The following GRWD1 variants were observed in gnomAD, a reference collection of about 807,000 sequenced individuals.
GRWD1 encodes the protein glutamate rich WD repeat containing 1, also known as glutamate-rich WD repeat-containing protein 1.
GRWD1 carries 29 observed loss-of-function variants against 45.3 expected under a neutral mutation model. The ratio of observed to expected loss-of-function variants is 0.64; its 90% CI spans 0.48 to 0.87. The LOEUF is 0.87. Ranked by LOEUF, GRWD1 falls within the 40% of genes least tolerant of loss-of-function variation. The pLI is 0.00. For synonymous variants in GRWD1, 262 were observed against 257.6 expected (o/e 1.02, Z -0.16); for missense variants, 592 against 618.8 (o/e 0.96, Z 0.46).
chr19:48,448,267 C>T (rs929434168), intron 3 of GRWD1, among the ~76,000 whole-genome samples: 2 of 152,078 alleles, frequency 1.3e-5, no homozygotes, highest in East Asian at 3.8e-4. Context: ...TTGTTTTTTG[C>T]TTCAAAGCTA....
chr19:48,449,751 G>T (rs187540472), intron 3 of GRWD1, among the ~76,000 whole-genome samples: 16 of 152,246 alleles, frequency 1.1e-4, no homozygotes, highest in Non-Finnish European at 2.2e-4. Flanking sequence ...AGCCCAGGAG[G>T]TTGAGGCTGC....
rs1288240293 is a variant in GRWD1, at chr19:48,455,460, C to T, written c.*2435C>T. 6.6e-6 allele frequency: 1 copy of T among 152,174 alleles called. No homozygotes were observed. Among genetic ancestry groups the T allele is most frequent in the African/African-American group, 2.4e-5 (1 of 41,436 alleles). 9.4% of individuals were successfully genotyped at this position (152,174 alleles called of 1,614,324 possible). A position where few individuals can be genotyped will look rare whatever the true frequency, so the allele number is the denominator to read the frequency against. The stretch of plus-strand genomic sequence containing the variant: ...TGACTTTGACACGAAGTTGAAGCAC[C>T]TTAAGCCCTGTATCTCCTTTATATG... On this transcript the variant is annotated 3_prime_UTR_variant, in exon 7 of 7. Transcript: ENST00000253237.
chr19:48,450,924 G>A lies in GRWD1; in HGVS notation c.826-110G>A, dbSNP rs1971467761. 2.7e-6 allele frequency: 4 copies of A among 1,505,166 alleles called. No individual in the cohort carries two copies. The highest frequency in any genetic ancestry group is 1.4e-5 in the African/African-American group (1 of 72,064). The allele number at this position is 1,505,166 out of a possible 1,614,324, so 93.2% of individuals were successfully genotyped here. Reference sequence around the variant, plus strand: ...AGCCTGACGGAGGTTTAGTTTCCAGGCCAAGTCATAGTAAGGGGAACAGTG... The same window carrying A: ...AGCCTGACGGAGGTTTAGTTTCCAGACCAAGTCATAGTAAGGGGAACAGTG... On this transcript the variant is annotated intron_variant, in intron 5 of 6. Transcript: ENST00000253237. The surrounding 1 kb of genome is among the most constrained non-coding windows in gnomAD (Gnocchi z 5.1).
rs998602234 is a variant in GRWD1 at position 48,450,975 on chromosome 19, G to A, written c.826-59G>A. 2.0e-5 allele frequency: 31 copies of A among 1,556,120 alleles called. No individual in the cohort carries two copies. In the South Asian group the frequency reaches 3.2e-4, roughly 16 times the overall value. On this transcript the variant is annotated intron_variant, in intron 5 of 6. Transcript: ENST00000253237. The surrounding 1 kb of genome is among the most constrained non-coding windows in gnomAD (Gnocchi z 5.1). Reference sequence around the variant, plus strand: ...AAAGAGAGAGTAGCCCACCGCTGGCGCTTGGGCTTCACTGCGGGCTGGGGG... The same window carrying A: ...AAAGAGAGAGTAGCCCACCGCTGGCACTTGGGCTTCACTGCGGGCTGGGGG...
chr19:48,447,782 A>G (rs559480562), intron 3 of GRWD1, among the ~76,000 whole-genome samples: 1 of 152,312 alleles, frequency 6.6e-6, no homozygotes, highest in South Asian at 2.1e-4. Context: ...TTATGAGGAT[A>G]TGGTTTATGT....
rs1033574831 is a variant in GRWD1 at position 48,453,895 on chromosome 19, G to A, written c.*870G>A. ...GAGCAGCAATAAAGGACCAGGAAGA[G>A]GCCTGAGGTGTATTTGAGACTCTGG... On this transcript the variant is annotated 3_prime_UTR_variant, in exon 7 of 7. Coordinates refer to ENST00000253237, the MANE Select transcript of GRWD1 (RefSeq NM_031485.4). The A allele has an allele frequency of 6.6e-6, 1 of 152,184 alleles. No individual in the cohort carries two copies. The highest frequency in any genetic ancestry group is 6.5e-5 in the Admixed American group (1 of 15,276). 9.4% of individuals were successfully genotyped at this position (152,184 alleles called of 1,614,324 possible).
rs1490789468 is a variant in GRWD1 at position 48,452,924 on chromosome 19, G to A, written c.1240G>A (p.Glu414Lys). ...GCAGCTGCTGTTCGTGCACCAGGGCGAGACCGAGCTGAAGGAGCTGCACTG... is the reference window on the plus strand; with the variant it reads ...GCAGCTGCTGTTCGTGCACCAGGGCAAGACCGAGCTGAAGGAGCTGCACTG... ...PQQLLFVHQG[E>K]TELKELHWHP... is the part of the protein sequence containing the mutation. The change falls in exon 7 of 7, where the codon GAG becomes AAG. Residue 414 changes from glutamate (E) to lysine (K), a missense_variant. Transcript: ENST00000253237. This position sits in a 1 kb window ranked among gnomAD's most constrained non-coding sequence, Gnocchi z 5.1. 5.6e-6 allele frequency: 9 copies of A among 1,611,928 alleles called. No homozygotes were observed. In the East Asian group the frequency reaches 6.7e-5, roughly 12 times the overall value.
rs1322599161 is a variant in GRWD1 at position 48,450,478 on chromosome 19, G to A, written c.634G>A (p.Gly212Arg). 1.9e-5 allele frequency: 31 copies of A among 1,614,062 alleles called. No individual in the cohort carries two copies. The highest frequency in any genetic ancestry group is 2.5e-5 in the Non-Finnish European group (29 of 1,180,038). ...AQMKPIFSFA[G>R]HMGEGFALDW... ...AATGAAGCCCATCTTCTCCTTCGCT[G>A]GACACATGGGCGAGGGCTTTGCCCT... Residue 212 changes from glycine (G) to arginine (R), a missense_variant, in exon 4 of 7, where the codon GGA becomes AGA. Coordinates refer to ENST00000253237, the MANE Select transcript of GRWD1 (RefSeq NM_031485.4). The surrounding 1 kb of genome is among the most constrained non-coding windows in gnomAD (Gnocchi z 5.1).
chr19:48,449,497 G>A lies in GRWD1; in HGVS notation c.469-816G>A, dbSNP rs77336453. ...AGGTGGAGAGAGAGCAGTTGCAGGT[G>A]GCAATTAGGAGCTTGGCTTTGGTTG... is the stretch of plus-strand genomic sequence containing the variant. On this transcript the variant is annotated intron_variant, in intron 3 of 6. Transcript: ENST00000253237. Among the ~76,000 whole-genome samples the A allele has an allele frequency of 5.5e-3, 843 of 152,276 alleles. 5 individuals are homozygous for A. The highest frequency in any genetic ancestry group is 0.019 in the African/African-American group (798 of 41,560).
Position 48,451,027 on chromosome 19 carries a change from C to G in GRWD1, c.826-7C>G. 1 of 1,611,402 alleles carries G rather than the reference C, an allele frequency of 6.2e-7. No homozygotes were observed. The highest frequency in any genetic ancestry group is 8.5e-7 in the Non-Finnish European group (1 of 1,178,658). ...CATTGGGACCACTCAGACTCCGCCT[C>G]CCCCAGGTGTTTGCCTCCTGCTCAG... is the stretch of plus-strand genomic sequence containing the variant. On this transcript the variant is annotated splice_region_variant and splice_polypyrimidine_tract_variant and intron_variant, in intron 5 of 6. Coordinates refer to ENST00000253237, the MANE Select transcript of GRWD1 (RefSeq NM_031485.4).
intron 6 of GRWD1, among the ~76,000 whole-genome samples, chr19:48,452,000 C>T (rs770322860): frequency 3.9e-5 from 6 of 152,026 alleles, no homozygotes; most frequent in African/African-American, 7.2e-5. Context: ...TTCTTTGGGT[C>T]GGCTTCCGGG....
In GRWD1 at chr19:48,451,182, G is replaced by A. The variant is rs1363537780; in HGVS notation, c.974G>A (p.Ser325Asn). The change falls in exon 6 of 7, where the codon AGT (serine) becomes AAT (asparagine). Residue 325 changes from serine to asparagine, a missense_variant. Ser to Asn is a conservative substitution (Grantham distance 46, BLOSUM62 1). Coordinates refer to ENST00000253237, the MANE Select transcript of GRWD1 (RefSeq NM_031485.4). Reference sequence around the variant, plus strand: ...AGCCGCCGGGAGCCCTTCCTGCTCAGTGGCGGGGATGATGGGGCCCTCAAG... The same window carrying A: ...AGCCGCCGGGAGCCCTTCCTGCTCAATGGCGGGGATGATGGGGCCCTCAAG... ...SWSRREPFLL[S>N]GGDDGALKIW... 3.3e-5 allele frequency: 53 copies of A among 1,611,962 alleles called. No homozygotes were observed. Among genetic ancestry groups the A allele is most frequent in the Non-Finnish European group, 4.3e-5 (51 of 1,178,602 alleles).
chr19:48,445,987 G>T lies in GRWD1; in HGVS notation c.-19G>T. On this transcript the variant is annotated 5_prime_UTR_variant, in exon 1 of 7. Coordinates refer to ENST00000253237, the MANE Select transcript of GRWD1 (RefSeq NM_031485.4). ...GAAGTGACGCTCTTACCGGGTGTCA[G>T]CAGCGAGAGGGTTCGAAGATGGCGG... 1 of 1,566,800 alleles carries T rather than the reference G, an allele frequency of 6.4e-7. No individual in the cohort carries two copies. Among genetic ancestry groups the T allele is most frequent in the Non-Finnish European group, 8.6e-7 (1 of 1,157,292 alleles).
In GRWD1 at chr19:48,451,166, G is replaced by T. The variant is rs1405837220; in HGVS notation, c.958G>T (p.Glu320Ter). ...DVNVISWSRR[E>*]PFLLSGGDDG... Reference sequence around the variant, plus strand: ...CAATGTCATCAGCTGGAGCCGCCGGGAGCCCTTCCTGCTCAGTGGCGGGGA... The same window carrying T: ...CAATGTCATCAGCTGGAGCCGCCGGTAGCCCTTCCTGCTCAGTGGCGGGGA... The change falls in exon 6 of 7, where the codon GAG becomes TAG. Residue 320 changes from glutamate to a stop codon, truncating the protein, a stop_gained. Coordinates refer to ENST00000253237, the MANE Select transcript of GRWD1 (RefSeq NM_031485.4). LOFTEE classifies it high-confidence loss of function. 2.5e-5 allele frequency: 40 copies of T among 1,613,680 alleles called. No homozygotes were observed. The highest frequency in any genetic ancestry group is 3.2e-5 in the Non-Finnish European group (38 of 1,179,774).
Position 48,446,456 on chromosome 19 carries a change from C to G in GRWD1, c.259C>G (p.Leu87Val), listed in dbSNP as rs1002664727. 1.2e-6 allele frequency: 2 copies of G among 1,614,076 alleles called. No homozygotes were observed. The highest frequency in any genetic ancestry group is 2.7e-5 in the African/African-American group (2 of 74,912). The change falls in exon 2 of 7, where the codon CTT becomes GTT. Residue 87 changes from leucine (L) to valine (V), a missense_variant. Transcript: ENST00000253237. ...GDNRTELPLT[L>V]YLCAGTQAES... is the part of the protein sequence containing the mutation. ...CAACCGGACAGAGCTTCCTCTTACA[C>G]TTTACTTGTGTGCTGGGACCCAGGC...
chr19:48,448,689 C>T (rs181574387), intron 3 of GRWD1, among the ~76,000 whole-genome samples: 2 of 152,138 alleles, frequency 1.3e-5, no homozygotes, highest in Admixed American at 6.5e-5. Context: ...AAAGAATTTG[C>T]AGGCAAGGAA....
chr19:48,452,967 G>T lies in GRWD1; in HGVS notation c.1283G>T (p.Gly428Val). The part of the protein sequence containing the change: ...KELHWHPQCP[G>V]LLVSTALSGF... ...CTGCACTGGCACCCGCAGTGCCCAG[G>T]GCTCCTGGTCAGCACGGCGCTGTCA... The change falls in exon 7 of 7, where the codon GGG becomes GTG. Residue 428 changes from glycine (G) to valine (V), a missense_variant. By Grantham distance (109) the Gly-to-Val change is moderately radical. Transcript: ENST00000253237. The surrounding 1 kb of genome is among the most constrained non-coding windows in gnomAD (Gnocchi z 5.1). The T allele has an allele frequency of 6.2e-7, 1 of 1,611,028 alleles. No individual in the cohort carries two copies.
intron 3 of GRWD1, among the ~76,000 whole-genome samples, chr19:48,447,094 G>A (rs1331924090): frequency 8.1e-6 from 1 of 124,012 alleles, no homozygotes; most frequent in Non-Finnish European, 1.7e-5. Context: ...TTTTTTTTGA[G>A]ATGGAGTCTC....
In GRWD1 at chr19:48,452,955, C is replaced by T. The variant is rs745313012; in HGVS notation, c.1271C>T (p.Pro424Leu). The T allele has an allele frequency of 9.9e-6, 16 of 1,611,938 alleles. No homozygotes were observed. Among genetic ancestry groups the T allele is most frequent in the East Asian group, 2.2e-5 (1 of 44,846 alleles). Residue 424 changes from proline to leucine, a missense_variant, in exon 7 of 7, where the codon CCG (proline) becomes CTG (leucine). Coordinates refer to ENST00000253237, the MANE Select transcript of GRWD1 (RefSeq NM_031485.4). This position sits in a 1 kb window ranked among gnomAD's most constrained non-coding sequence, Gnocchi z 5.1. ...ETELKELHWH[P>L]QCPGLLVSTA... ...GAGCTGAAGGAGCTGCACTGGCACC[C>T]GCAGTGCCCAGGGCTCCTGGTCAGC...
Sources: gnomAD v4.1 joint callset for allele counts (sites outside exome capture counted in the v4.1 genomes callset) on GRCh38, gnomAD v4.1.1 for gene constraint, Gnocchi (gnomAD v3.1) non-coding constraint, MANE v1.5 for transcripts, NCBI Gene and HGNC (gene_info 2026-07-23, HGNC 2026-07-21) for gene names.